Variants in NRXN2 observed in about 807,000 individuals in gnomAD.
NRXN2 encodes the protein neurexin 2, also known as neurexin-2-beta.
NRXN2 carries 29 observed loss-of-function variants against 128.8 expected under a neutral mutation model. The ratio of observed to expected loss-of-function variants is 0.23; its 90% CI spans 0.17 to 0.31. The LOEUF (loss-of-function observed/expected upper bound fraction) is 0.31, where lower values mean the gene tolerates loss of function less well. NRXN2 is among the 10% of genes least tolerant of loss of function. NRXN2 has a pLI of 1.00. For synonymous variants in NRXN2, 1,098 were observed against 1,075.2 expected, an observed-to-expected ratio of 1.02 and a Z score of -0.41; for missense variants, 1,881 against 2,452.6, an observed-to-expected ratio of 0.77 and a Z score of 4.92.
intron 19 of NRXN2, among the ~76,000 whole-genome samples, chr11:64,626,762 G>A (rs1037023263): frequency 3.3e-5 from 5 of 152,166 alleles, no homozygotes; most frequent in African/African-American, 1.2e-4. Flanking sequence ...GGGGGCAGGA[G>A]CAACCCAAAG....
intron 18 of NRXN2, among the ~76,000 whole-genome samples, chr11:64,634,518 C>A (rs774549063): frequency 2.0e-5 from 3 of 151,956 alleles, no homozygotes; most frequent in Non-Finnish European, 4.4e-5. Flanking sequence ...TGGTAGGAGG[C>A]CCAGAGGGAG....
Position 64,607,444 on chromosome 11 carries a change from C to A in NRXN2, c.4891G>T (p.Glu1631Ter). 6.2e-7 allele frequency: 1 copy of A among 1,612,270 alleles called. No individual in the cohort carries two copies. The change falls in exon 23 of 23, where the codon GAG (glutamate) becomes TAG (stop). Residue 1631 changes from glutamate (E) to a stop codon, truncating the protein, a stop_gained. Transcript: ENST00000265459. LOFTEE classifies it high-confidence loss of function. ...GPPGAVEVIR[E>*]SSSTTGMVVG... Reference sequence around the variant, plus strand: ...ACCATGCCCGTGGTGCTGCTGGACTCCCGGATCACCTCCACTGCGCCCGGC... The same window carrying A: ...ACCATGCCCGTGGTGCTGCTGGACTACCGGATCACCTCCACTGCGCCCGGC...
intron 22 of NRXN2, among the ~76,000 whole-genome samples, chr11:64,611,811 A>G (rs2040688008): frequency 6.6e-6 from 1 of 151,762 alleles, no homozygotes. Flanking sequence ...TGTCCCCTGC[A>G]TCTGCAGCTC....
Position 64,723,111 on chromosome 11 carries a change from G to GCCCGC in NRXN2, c.-390_-386dup, listed in dbSNP as rs1413901751. 7 of 37,548 alleles carry GCCCGC rather than the reference G, an allele frequency of 1.9e-4. No homozygotes were observed. Among genetic ancestry groups the GCCCGC allele is most frequent in the African/African-American group, 7.2e-4 (7 of 9,684 alleles). 2.3% of individuals were successfully genotyped at this position (37,548 alleles called of 1,614,324 possible). On this transcript the variant is annotated 5_prime_UTR_variant, in exon 1 of 23. Coordinates refer to ENST00000265459, the MANE Select transcript of NRXN2 (RefSeq NM_015080.4). ...CTCCCCGCCGCGTCCCCGCCCGCCC[G>GCCCGC]CCCGCCCCGCCGCGGTGCCTCTCCG...
intron 2 of NRXN2, among the ~76,000 whole-genome samples, chr11:64,701,777 G>GGGGGA (rs2055408993): frequency 6.6e-6 from 1 of 152,186 alleles, no homozygotes; most frequent in South Asian, 2.1e-4. Context: ...GGGGGAAGTG[G>GGGGGA]GGGGATCAGC....
chr11:64,646,650 G>A (rs2046716103), intron 17 of NRXN2: 1 of 152,210 alleles, frequency 6.6e-6, no homozygotes, highest in South Asian at 2.1e-4. Context: ...CCTTCTCTGA[G>A]GATCAAATTA....
At chr11:64,641,507 G>A (rs1256528639) in intron 17 of NRXN2, among the ~76,000 whole-genome samples, 1 of 151,998 alleles carries the variant, frequency 6.6e-6, no homozygotes, top group Admixed American at 6.6e-5. Context: ...GTAATGGGGA[G>A]GACAGAGCTT....
rs1308376263 is a variant in NRXN2, at chr11:64,648,617, A to G, written c.3283+117T>C. On this transcript the variant is annotated intron_variant, in intron 16 of 22. Transcript: ENST00000265459. The surrounding 1 kb of genome is among the most constrained non-coding windows in gnomAD (Gnocchi z 4.1). ...CAGAACTGTGGGGGCAAGCTCCCAT[A>G]AGGCCTGAGAAGGAAGGCCCCTTGG... The G allele has an allele frequency of 4.3e-6, 6 of 1,388,508 alleles. No individual in the cohort carries two copies. The highest frequency in any genetic ancestry group is 6.1e-6 in the Non-Finnish European group (6 of 980,916). The allele number at this position is 1,388,508 out of a possible 1,614,324, so 86.0% of individuals were successfully genotyped here.
chr11:64,642,101 A>AAGGGTG (rs1326008817), intron 17 of NRXN2, among the ~76,000 whole-genome samples: 1 of 151,728 alleles, frequency 6.6e-6, no homozygotes. Context: ...CCAGCGATGG[A>AAGGGTG]AGGGTGAGGG....
intron 1 of NRXN2, among the ~76,000 whole-genome samples, chr11:64,718,861 A>G (rs1592326206): frequency 6.6e-6 from 1 of 152,192 alleles, no homozygotes; most frequent in South Asian, 2.1e-4. Context: ...ATGCCTTTCC[A>G]CACCCAGCCA....
At chr11:64,664,215 G>A (rs1039260641) in intron 9 of NRXN2, among the ~76,000 whole-genome samples, 1 of 152,172 alleles carries the variant, frequency 6.6e-6, no homozygotes, top group African/African-American at 2.4e-5. Context: ...GGTGGCTCAC[G>A]CCTGTAATCC....
intron 1 of NRXN2, among the ~76,000 whole-genome samples, chr11:64,720,104 G>A (rs1021671451): frequency 6.6e-5 from 10 of 152,222 alleles, no homozygotes; most frequent in East Asian, 5.8e-4. Context: ...CATTTCACAC[G>A]TGAGGAAACT....
At chr11:64,683,619 CAAAAA>C (rs146075955) in intron 6 of NRXN2, among the ~76,000 whole-genome samples, 2 of 75,680 alleles carry the variant, frequency 2.6e-5, no homozygotes, top group Non-Finnish European at 6.7e-5. Flanking sequence ...GACTCCATCT[CAAAAA>C]AAAAAAAAAA....
At position 64,607,393 on chromosome 11, in the gene NRXN2, G is replaced by GCGC; in HGVS notation, c.4939_4941dup (p.Ala1647dup). 6.2e-7 allele frequency: 1 copy of GCGC among 1,612,828 alleles called. No individual in the cohort carries two copies. The highest frequency in any genetic ancestry group is 8.5e-7 in the Non-Finnish European group (1 of 1,179,848). On this transcript the variant is annotated inframe_insertion, in exon 23 of 23. Transcript: ENST00000265459. ...GCGTAGAGGAGGATGAGGATGCAGA[G>GCGC]CGCCGCCGCCGCCACAATGCCCACC... is the stretch of plus-strand genomic sequence containing the variant.
In NRXN2 at chr11:64,612,158, G is replaced by T. The variant is rs185626122; in HGVS notation, c.4253-4076C>A. Among the ~76,000 whole-genome samples, 6 of 152,300 alleles carry T rather than the reference G, an allele frequency of 3.9e-5. No individual in the cohort carries two copies. In the East Asian group the frequency reaches 7.7e-4, roughly 20 times the overall value. ...CCGGATCACACACCAGTTCAGGAAG[G>T]ATCAGAAGAGGCTGTCCTGGTGAGG... On this transcript the variant is annotated intron_variant, in intron 22 of 22. Transcript: ENST00000265459.
intron 2 of NRXN2, among the ~76,000 whole-genome samples, chr11:64,699,524 G>A (rs1310069299): frequency 6.3e-5 from 8 of 127,002 alleles, no homozygotes; most frequent in South Asian, 2.7e-4. Flanking sequence ...TCCACCTCCC[G>A]GGTTCAAGTG....
rs1013316042 is a variant in NRXN2, at chr11:64,623,588, G to A, written c.3848-510C>T. ...GTAGCTGCCAGGCCAAGGTGGAGTC[G>A]GTGCGTGTGAGAGCAGAGAAGGAGG... On this transcript the variant is annotated intron_variant, in intron 20 of 22. Coordinates refer to ENST00000265459, the MANE Select transcript of NRXN2 (RefSeq NM_015080.4). The surrounding 1 kb of genome is among the most constrained non-coding windows in gnomAD (Gnocchi z 4.9). 1.6e-5 allele frequency: 3 copies of A among 186,630 alleles called. No homozygotes were observed. The highest frequency in any genetic ancestry group is 1.1e-4 in the Admixed American group (2 of 18,594). The allele number at this position is 186,630 out of a possible 1,614,324, so 11.6% of individuals were successfully genotyped here.
chr11:64,607,571 A>G lies in NRXN2; in HGVS notation c.4764T>C (p.Phe1588=). The G allele has an allele frequency of 6.5e-7, 1 of 1,534,684 alleles. No homozygotes were observed. The highest frequency in any genetic ancestry group is 2.4e-5 in the East Asian group (1 of 41,380). ...GCAGGGGAGGGGGCCTCCGCGGCTC[A>G]AAGGACGTGGGGGCCCCGGGCCCCA... The part of the protein sequence containing the change: ...PPLGPGAPTS[F]EPRRPPPLRP... The change falls in exon 23 of 23, where the codon TTT becomes TTC. Residue 1588 remains phenylalanine (F), a synonymous_variant. Transcript: ENST00000265459.
chr11:64,623,167 A>C lies in NRXN2; in HGVS notation c.3848-89T>G. The C allele has an allele frequency of 6.7e-7, 1 of 1,492,342 alleles. No individual in the cohort carries two copies. Among genetic ancestry groups the C allele is most frequent in the South Asian group, 1.3e-5 (1 of 75,300 alleles). 92.4% of individuals were successfully genotyped at this position (1,492,342 alleles called of 1,614,324 possible). A position where few individuals can be genotyped will look rare whatever the true frequency, so the allele number is the denominator to read the frequency against. The stretch of plus-strand genomic sequence containing the variant: ...GGAAGAAAAGAAGGAAGCCAAGGAG[A>C]GGAAAGAGGAATGGAGGAGAAAGCC... On this transcript the variant is annotated intron_variant, in intron 20 of 22. Transcript: ENST00000265459. The surrounding 1 kb of genome is among the most constrained non-coding windows in gnomAD (Gnocchi z 4.9).
Sources: allele counts gnomAD v4.1 joint callset (sites outside exome capture counted in the v4.1 genomes callset), GRCh38; gene constraint gnomAD v4.1.1; non-coding constraint Gnocchi (gnomAD v3.1); transcripts MANE v1.5; gene names NCBI Gene and HGNC (gene_info 2026-07-23, HGNC 2026-07-21).